Variants in PUDP observed in about 807,000 individuals in gnomAD.
PUDP encodes the protein pseudouridine-5'-phosphatase.
In PUDP, 8 loss-of-function variants were observed where a neutral mutation model predicts 9.4. That is an observed-to-expected ratio of 0.85 (90% CI 0.50 to 1.53). The LOEUF (loss-of-function observed/expected upper bound fraction) is 1.53. Ranked by LOEUF, PUDP falls within the 40% of genes most tolerant of loss-of-function variation. The pLI is 0.00. For synonymous variants in PUDP, 99 were observed against 80.7 expected, an observed-to-expected ratio of 1.23 and a Z score of -1.22; for missense variants, 188 against 189.7, an observed-to-expected ratio of 0.99 and a Z score of 0.05.
At position 6,927,207 on chromosome X, in the gene PUDP, T is replaced by C. The variant is rs774969616; in HGVS notation, c.*247+49926A>G. Among the ~76,000 whole-genome samples, 3 of 110,896 alleles carry C rather than the reference T, an allele frequency of 2.7e-5. No homozygotes were observed. In the East Asian group the frequency reaches 8.6e-4, roughly 32 times the overall value. On this transcript the variant is annotated intron_variant and NMD_transcript_variant, in intron 3 of 3. Coordinates refer to the PUDP transcript ENST00000655425. ...CCTTGGCCTCCCAAAGTGCTGGGAT[T>C]ATAGGCATGAGCCATGGTGCCTGGC... is the stretch of plus-strand genomic sequence containing the variant.
At chrX:7,021,306 A>G (rs1424473693) in intron 1 of PUDP, among the ~76,000 whole-genome samples, 1 of 112,058 alleles carries the variant, frequency 8.9e-6, no homozygotes, top group Non-Finnish European at 1.9e-5. Context: ...GGGCCGCCTC[A>G]ACTGGTGTCT....
At chrX:7,111,362 G>C (rs943098435) in intron 1 of PUDP, among the ~76,000 whole-genome samples, 2 of 111,346 alleles carry the variant, frequency 1.8e-5, no homozygotes, top group African/African-American at 6.6e-5. Flanking sequence ...GGGGACCCAA[G>C]AGACCTGCAG....
At chrX:6,939,387 A>G (rs1393141773) in intron 3 of PUDP, among the ~76,000 whole-genome samples, 2 of 106,841 alleles carry the variant, frequency 1.9e-5, no homozygotes, top group East Asian at 5.6e-4. Context: ...ATTAATATAT[A>G]TTATTAATAT....
At chrX:6,830,445 G>A (rs1926487717) in intron 3 of PUDP, among the ~76,000 whole-genome samples, 1 of 112,381 alleles carries the variant, frequency 8.9e-6, no homozygotes, top group South Asian at 3.7e-4. Context: ...ACAGAATCCT[G>A]AATTTGAAAT....
At chrX:7,054,622 GATGTAAACAGCC>G (rs1930190720) in intron 3 of PUDP, among the ~76,000 whole-genome samples, 1 of 111,251 alleles carries the variant, frequency 9.0e-6, no homozygotes, top group Non-Finnish European at 1.9e-5. Flanking sequence ...TACAGCCTCT[GATGTAAACAGCC>G]ATGGGTGATC....
At chrX:7,070,327 T>A (rs1238631959) in intron 3 of PUDP, among the ~76,000 whole-genome samples, 1 of 111,564 alleles carries the variant, frequency 9.0e-6, no homozygotes, top group Non-Finnish European at 1.9e-5. Context: ...AGCAGAGGCA[T>A]GCCTATTTTG....
At chrX:6,880,040 T>C (rs761899796) in intron 3 of PUDP, among the ~76,000 whole-genome samples, 9 of 111,014 alleles carry the variant, frequency 8.1e-5, no homozygotes, top group Non-Finnish European at 1.7e-4. Context: ...CTCAAAGGAC[T>C]GTCCTGCATC....
chrX:6,955,192 C>A (rs1928609382), intron 3 of PUDP, among the ~76,000 whole-genome samples: 1 of 110,447 alleles, frequency 9.1e-6, no homozygotes, highest in Admixed American at 9.6e-5. Flanking sequence ...ATCTTGGAGA[C>A]CTTTGTCCTC....
At chrX:6,735,399 T>TA (rs925481261) in intron 3 of PUDP, among the ~76,000 whole-genome samples, 33 of 102,828 alleles carry the variant, frequency 3.2e-4, no homozygotes, top group Admixed American at 5.2e-4. Flanking sequence ...TGCCTCAACA[T>TA]AAAAAAAAAA....
intron 3 of PUDP, among the ~76,000 whole-genome samples, chrX:6,932,764 C>G (rs1190439172): frequency 8.9e-6 from 1 of 111,925 alleles, no homozygotes; most frequent in Non-Finnish European, 1.9e-5. Context: ...TCACTCCCAC[C>G]CGAATACTGC....
At chrX:6,951,866 T>G (rs895068392) in intron 3 of PUDP, among the ~76,000 whole-genome samples, 2 of 112,324 alleles carry the variant, frequency 1.8e-5, no homozygotes, top group African/African-American at 6.5e-5. Flanking sequence ...ATGCCAGGGA[T>G]AGCTAACAAT....
intron 3 of PUDP, among the ~76,000 whole-genome samples, chrX:6,872,121 C>T (rs1397581476): frequency 1.8e-5 from 2 of 110,643 alleles, no homozygotes; most frequent in Non-Finnish European, 1.9e-5. Context: ...TCCCCAAGGC[C>T]CATCTCTTAA....
intron 3 of PUDP, among the ~76,000 whole-genome samples, chrX:6,886,677 C>CAGCACCTAGTACAGGGACTGG (rs1927427848): frequency 9.0e-6 from 1 of 110,968 alleles, no homozygotes; most frequent in Non-Finnish European, 1.9e-5. Context: ...AGCAGCTGCC[C>CAGCACCTAGTACAGGGACTGG]AGCACCTAGT....
intron 1 of PUDP, among the ~76,000 whole-genome samples, chrX:6,988,110 C>A (rs977844781): frequency 8.9e-6 from 1 of 112,010 alleles, no homozygotes; most frequent in African/African-American, 3.2e-5. Context: ...CCTCGTGGGT[C>A]TGCATAGTGT....
At chrX:6,897,992 G>A (rs962364212) in intron 3 of PUDP, among the ~76,000 whole-genome samples, 1 of 112,480 alleles carries the variant, frequency 8.9e-6, no homozygotes, top group East Asian at 2.8e-4. Context: ...CCTGCATGGA[G>A]AGAAGTACTT....
intron 3 of PUDP, among the ~76,000 whole-genome samples, chrX:6,781,535 G>A (rs919954441): frequency 8.9e-6 from 1 of 111,923 alleles, no homozygotes; most frequent in Non-Finnish European, 1.9e-5. Flanking sequence ...TCCTCTGAAG[G>A]ATCAAAGGTA....
chrX:6,706,094 A>G lies in PUDP; in HGVS notation n.252+249T>C, dbSNP rs201002223. On this transcript the variant is annotated intron_variant and non_coding_transcript_variant, in intron 2 of 2. Coordinates refer to the PUDP transcript ENST00000438499. ...CCAGACACAAAAGGACAAATATTGT[A>G]TGATTCCACTTCCATGTGGTACCCA... is the stretch of plus-strand genomic sequence containing the variant. Among the ~76,000 whole-genome samples, 3 of 112,501 alleles carry G rather than the reference A, an allele frequency of 2.7e-5. No individual in the cohort carries two copies. The East Asian group carries it at 8.4e-4, about 32-fold the overall frequency.
intron 3 of PUDP, among the ~76,000 whole-genome samples, chrX:6,875,137 T>G (rs1383117446): frequency 1.8e-5 from 2 of 112,116 alleles, no homozygotes; most frequent in East Asian, 5.6e-4. Flanking sequence ...AGCATAATCA[T>G]GGCTCACTGC....
At chrX:7,146,790 G>C (rs768611923) in intron 1 of PUDP, among the ~76,000 whole-genome samples, 177 of 107,298 alleles carry the variant, frequency 1.6e-3, no homozygotes, top group Non-Finnish European at 2.9e-3. Context: ...TGGCTTATTA[G>C]CTGTGTGACC....
Sources: gnomAD v4.1 joint callset for allele counts (sites outside exome capture counted in the v4.1 genomes callset) on GRCh38, gnomAD v4.1.1 for gene constraint, MANE v1.5 for transcripts, NCBI Gene and HGNC (gene_info 2026-07-23, HGNC 2026-07-21) for gene names.